MEGF8: variants seen among roughly 807,000 people sequenced by gnomAD.
MEGF8 encodes multiple EGF like domains 8.
Under a neutral mutation model 302.9 loss-of-function variants are expected in MEGF8, and 156 were observed. The observed-to-expected ratio is 0.52, with a 90% CI of 0.45 to 0.59. The LOEUF is 0.59. Among genes scored for constraint, MEGF8 ranks in the 20% least tolerant of loss-of-function variants. MEGF8 has a pLI of 0.00. For synonymous variants in MEGF8, 1,621 were observed against 1,660.5 expected (o/e 0.98, Z 0.58); for missense variants, 3,345 against 3,964.5 (o/e 0.84, Z 4.20).
chr19:42,377,473 C>G lies in MEGF8; in HGVS notation c.*698C>G, dbSNP rs2039784365. Reference sequence around the variant, plus strand: ...TGGATGGTTTGATGAAGGGGAGTGACAGGATCCGATGTACCTATTTAAGAA... The same window carrying G: ...TGGATGGTTTGATGAAGGGGAGTGAGAGGATCCGATGTACCTATTTAAGAA... On this transcript the variant is annotated 3_prime_UTR_variant, in exon 42 of 42. Transcript: ENST00000251268. The G allele has an allele frequency of 6.6e-6, 1 of 152,618 alleles. No homozygotes were observed. The highest frequency in any genetic ancestry group is 1.5e-5 in the Non-Finnish European group (1 of 68,086). The allele number at this position is 152,618 out of a possible 1,614,324, so 9.5% of individuals were successfully genotyped here. A position where few individuals can be genotyped will look rare whatever the true frequency, so the allele number is the denominator to read the frequency against.
In MEGF8 at chr19:42,358,106, C is replaced by CA. The variant is rs774725436; in HGVS notation, c.5012-37dup. ...AGGTCGGCGGGGTCAGTGCTGTTGTCAGCCCCTCCCCCAGCCTGTCACCCT... is the reference window on the plus strand; with the variant it reads ...AGGTCGGCGGGGTCAGTGCTGTTGTCAAGCCCCTCCCCCAGCCTGTCACCCT... On this transcript the variant is annotated intron_variant, in intron 28 of 41. Coordinates refer to ENST00000251268, the MANE Select transcript of MEGF8 (RefSeq NM_001271938.2). The surrounding 1 kb of genome is among the most constrained non-coding windows in gnomAD (Gnocchi z 4.4). The CA allele has an allele frequency of 6.7e-7, 1 of 1,486,950 alleles. No homozygotes were observed. The highest frequency in any genetic ancestry group is 8.9e-7 in the Non-Finnish European group (1 of 1,120,160). The allele number at this position is 1,486,950 out of a possible 1,614,324, so 92.1% of individuals were successfully genotyped here.
rs746946604 is a variant in MEGF8 at position 42,354,497 on chromosome 19, G to A, written c.4012-91G>A. On this transcript the variant is annotated intron_variant, in intron 22 of 41. Coordinates refer to ENST00000251268, the MANE Select transcript of MEGF8 (RefSeq NM_001271938.2). The surrounding 1 kb of genome is among the most constrained non-coding windows in gnomAD (Gnocchi z 4.3). ...ACAGCCCATTTCCCAGTCTCAGATT[G>A]CCCTCCCCTCTTGAACCCCTCCTCC... 6 of 1,415,456 alleles carry A rather than the reference G, an allele frequency of 4.2e-6. No individual in the cohort carries two copies. Among genetic ancestry groups the A allele is most frequent in the Non-Finnish European group, 5.8e-6 (6 of 1,036,208 alleles). The allele number at this position is 1,415,456 out of a possible 1,614,324, so 87.7% of individuals were successfully genotyped here.
In MEGF8 at chr19:42,336,689, G is replaced by A; in HGVS notation, c.1245-118G>A. 1 of 1,420,050 alleles carries A rather than the reference G, an allele frequency of 7.0e-7. No homozygotes were observed. The highest frequency in any genetic ancestry group is 2.4e-5 in the Admixed American group (1 of 41,838). The allele number at this position is 1,420,050 out of a possible 1,614,324, so 88.0% of individuals were successfully genotyped here. ...CACAGGGAACTTCTAGTTTGGAGGG[G>A]ACATAGAGTCAGTCATGGCCAGTCT... is the stretch of plus-strand genomic sequence containing the variant. On this transcript the variant is annotated intron_variant, in intron 6 of 41. Transcript: ENST00000251268. This position sits in a 1 kb window ranked among gnomAD's most constrained non-coding sequence, Gnocchi z 4.8.
intron 8 of MEGF8, among the ~76,000 whole-genome samples, chr19:42,340,651 T>G (rs2039199241): frequency 6.6e-6 from 1 of 151,664 alleles, no homozygotes. Context: ...CAGGCATTAT[T>G]ATTATTGTTG....
At position 42,352,873 on chromosome 19, in the gene MEGF8, T is replaced by C. The variant is rs1258447787; in HGVS notation, c.3351-55T>C. ...ATGGTGGGTGGAGATGATGGGGTGCTTTAGGGGCTCTGGGCCTGCCTGGCG... is the reference window on the plus strand; with the variant it reads ...ATGGTGGGTGGAGATGATGGGGTGCCTTAGGGGCTCTGGGCCTGCCTGGCG... On this transcript the variant is annotated intron_variant, in intron 19 of 41. Coordinates refer to ENST00000251268, the MANE Select transcript of MEGF8 (RefSeq NM_001271938.2). The surrounding 1 kb of genome is among the most constrained non-coding windows in gnomAD (Gnocchi z 4.4). The C allele has an allele frequency of 1.0e-5, 14 of 1,333,868 alleles. No homozygotes were observed. Among genetic ancestry groups the C allele is most frequent in the African/African-American group, 1.5e-5 (1 of 68,688 alleles). The allele number at this position is 1,333,868 out of a possible 1,614,324, so 82.6% of individuals were successfully genotyped here.
Position 42,360,989 on chromosome 19 carries a change from C to T in MEGF8, c.5703C>T (p.Ser1901=), listed in dbSNP as rs762553051. 57 of 1,559,098 alleles carry T rather than the reference C, an allele frequency of 3.7e-5. No homozygotes were observed. The highest frequency in any genetic ancestry group is 6.8e-5 in the East Asian group (3 of 44,326). The part of the protein sequence containing the change: ...ACTWCHGACL[S]GDQAHRLGCG... The stretch of plus-strand genomic sequence containing the variant: ...CCTGGTGCCATGGGGCCTGCTTGTC[C>T]GGGGATCAGGCCCACAGGTAACCAT... Residue 1901 remains serine, a synonymous_variant, in exon 32 of 42, where the codon TCC becomes TCT. Transcript: ENST00000251268.
rs1188369603 is a variant in MEGF8, at chr19:42,375,214, G to A, written c.7270-293G>A. 3.9e-5 allele frequency among the ~76,000 whole-genome samples: 6 copies of A among 152,214 alleles called. No individual in the cohort carries two copies. The highest frequency in any genetic ancestry group is 1.5e-5 in the Non-Finnish European group (1 of 68,024). Reference sequence around the variant, plus strand: ...GCTAACAAGGAGGTAGAGCCAGAATGCAGCCGCGTTCTTCACTGCTGTGCC... The same window carrying A: ...GCTAACAAGGAGGTAGAGCCAGAATACAGCCGCGTTCTTCACTGCTGTGCC... On this transcript the variant is annotated intron_variant, in intron 41 of 41. Coordinates refer to ENST00000251268, the MANE Select transcript of MEGF8 (RefSeq NM_001271938.2). The surrounding 1 kb of genome is among the most constrained non-coding windows in gnomAD (Gnocchi z 7.1).
intron 34 of MEGF8, 49 bp downstream of exon 34, chr19:42,362,646 C>A: frequency 6.3e-7 from 1 of 1,591,076 alleles, no homozygotes; most frequent in Non-Finnish European, 8.6e-7. Flanking sequence ...GGCCTGGACT[C>A]CTGGGTCTGA....
Position 42,333,597 on chromosome 19 carries a change from C to T in MEGF8, c.188-8C>T. The T allele has an allele frequency of 6.2e-7, 1 of 1,612,566 alleles. No homozygotes were observed. Among genetic ancestry groups the T allele is most frequent in the Non-Finnish European group, 8.5e-7 (1 of 1,178,988 alleles). ...TTAGAGCTTGGTCCCTCTGTGCTCA[C>T]CTCCCAGCCCCAAGCCCCCAGCACC... On this transcript the variant is annotated splice_polypyrimidine_tract_variant and splice_region_variant and intron_variant, in intron 1 of 41. Transcript: ENST00000251268.
intron 1 of MEGF8, among the ~76,000 whole-genome samples, chr19:42,329,767 G>A (rs2039031409): frequency 6.6e-6 from 1 of 151,808 alleles, no homozygotes; most frequent in African/African-American, 2.4e-5. Flanking sequence ...AGCTACCGGC[G>A]AGGCTGAGGT....
At chr19:42,329,167 G>A (rs2039023636) in intron 1 of MEGF8, among the ~76,000 whole-genome samples, 1 of 152,150 alleles carries the variant, frequency 6.6e-6, no homozygotes, top group Non-Finnish European at 1.5e-5. Flanking sequence ...CTTTTGACTG[G>A]GAGGTAATGA....
At chr19:42,342,116 G>A (rs1022282630) in intron 8 of MEGF8, among the ~76,000 whole-genome samples, 3 of 152,188 alleles carry the variant, frequency 2.0e-5, no homozygotes, top group Non-Finnish European at 4.4e-5. Flanking sequence ...TCTAGGTCTC[G>A]TCTGCCTATC....
intron 9 of MEGF8, 102 bp from the exon 10 acceptor site, chr19:42,343,852 G>T: frequency 6.8e-7 from 1 of 1,478,674 alleles, no homozygotes; most frequent in South Asian, 1.4e-5. Flanking sequence ...AGGGTCCTCT[G>T]GGATAGCTAA....
chr19:42,350,337 C>A lies in MEGF8; in HGVS notation c.2689C>A (p.Leu897Ile). The A allele has an allele frequency of 6.2e-7, 1 of 1,603,210 alleles. No individual in the cohort carries two copies. The change falls in exon 15 of 42, where the codon CTC (leucine) becomes ATC (isoleucine). Residue 897 changes from leucine (L) to isoleucine (I), a missense_variant. Leu to Ile is a conservative substitution (Grantham distance 5). Coordinates refer to ENST00000251268, the MANE Select transcript of MEGF8 (RefSeq NM_001271938.2). Reference sequence around the variant, plus strand: ...GTCCCTGCTGGTGCTGGTGCCTACCCTCTGCCCACTCTGCGAGGAGCATCG... The same window carrying A: ...GTCCCTGCTGGTGCTGGTGCCTACCATCTGCCCACTCTGCGAGGAGCATCG... ...GGSLLVLVPT[L>I]CPLCEEHRDC...
chr19:42,365,864 G>A (rs533565237), intron 35 of MEGF8, among the ~76,000 whole-genome samples: 21 of 151,218 alleles, frequency 1.4e-4, no homozygotes, highest in Admixed American at 4.6e-4. Context: ...TGGGTGGATC[G>A]TGAGGTCAGG....
At position 42,333,768 on chromosome 19, in the gene MEGF8, G is replaced by C; in HGVS notation, c.351G>C (p.Lys117Asn). The change falls in exon 2 of 42, where the codon AAG becomes AAC. Residue 117 changes from lysine (K) to asparagine (N), a missense_variant and splice_region_variant. Coordinates refer to ENST00000251268, the MANE Select transcript of MEGF8 (RefSeq NM_001271938.2). ...CGCCCATCGAAGCTTCCTCAGGCAA[G>C]GTTAGTGGGGATGGGGCCGTGGCAG... ...RPPPIEASSG[K>N]MLLHLFSDAN... The C allele has an allele frequency of 6.2e-7, 1 of 1,613,716 alleles. No individual in the cohort carries two copies. Among genetic ancestry groups the C allele is most frequent in the Non-Finnish European group, 8.5e-7 (1 of 1,179,726 alleles).
rs1166479097 is a variant in MEGF8 at position 42,350,235 on chromosome 19, T to C, written c.2587T>C (p.Cys863Arg). The C allele has an allele frequency of 6.2e-7, 1 of 1,613,072 alleles. No individual in the cohort carries two copies. The highest frequency in any genetic ancestry group is 8.5e-7 in the Non-Finnish European group (1 of 1,179,872). ...SCLGCLADQG[C>R]GWCLTSATCH... ...CCTGGGCTGCTTGGCAGACCAGGGC[T>C]GTGGCTGGTGCCTGACCAGTGCCAC... Residue 863 changes from cysteine (C) to arginine (R), a missense_variant, in exon 15 of 42, where the codon TGT (cysteine) becomes CGT (arginine). Physicochemically the swap from Cys to Arg is radical, Grantham distance 180 (BLOSUM62 -3). Transcript: ENST00000251268.
In MEGF8 at chr19:42,331,709, C is replaced by T. The variant is rs2039057028; in HGVS notation, c.188-1896C>T. Among the ~76,000 whole-genome samples, 3 of 147,708 alleles carry T rather than the reference C, an allele frequency of 2.0e-5. No individual in the cohort carries two copies. In the South Asian group the frequency reaches 6.5e-4, roughly 32 times the overall value. The stretch of plus-strand genomic sequence containing the variant: ...TCAGCCTCCCAAATAGCTGGGATTA[C>T]AAGCATGTGCCACCATATCCAGCTA... On this transcript the variant is annotated intron_variant, in intron 1 of 41. Coordinates refer to ENST00000251268, the MANE Select transcript of MEGF8 (RefSeq NM_001271938.2).
Position 42,336,004 on chromosome 19 carries a change from G to A in MEGF8, c.902G>A (p.Gly301Asp), listed in dbSNP as rs2147450353. The A allele has an allele frequency of 6.5e-7, 1 of 1,544,002 alleles. No homozygotes were observed. Reference protein sequence around the residue: ...LVLMGGELADGSLTNDVWAFS... With the variant: ...LVLMGGELADDSLTNDVWAFS... ...CTGATGGGTGGTGAGCTGGCTGACGGCTCGCTCACCAACGACGTGTGGGCC... is the reference window on the plus strand; with the variant it reads ...CTGATGGGTGGTGAGCTGGCTGACGACTCGCTCACCAACGACGTGTGGGCC... Residue 301 changes from glycine (G) to aspartate (D), a missense_variant, in exon 6 of 42, where the codon GGC becomes GAC. By Grantham distance (94) the Gly-to-Asp change is moderately conservative. Coordinates refer to ENST00000251268, the MANE Select transcript of MEGF8 (RefSeq NM_001271938.2). This position sits in a 1 kb window ranked among gnomAD's most constrained non-coding sequence, Gnocchi z 4.8.
Sources: allele counts gnomAD v4.1 joint callset (sites outside exome capture counted in the v4.1 genomes callset), GRCh38; gene constraint gnomAD v4.1.1; non-coding constraint Gnocchi (gnomAD v3.1); transcripts MANE v1.5; gene names NCBI Gene and HGNC (gene_info 2026-07-23, HGNC 2026-07-21).